The following STRN variants were observed in gnomAD, a reference collection of about 807,000 sequenced individuals.
The protein encoded by STRN is striatin.
Under a neutral mutation model 96.3 loss-of-function variants are expected in STRN, and 53 were observed. The observed-to-expected ratio is 0.55, with a 90% CI of 0.44 to 0.69. STRN has a LOEUF of 0.69. Among genes scored for constraint, STRN ranks in the 30% least tolerant of loss-of-function variants. The pLI is 0.00. For synonymous variants in STRN, 428 were observed against 355.9 expected (o/e 1.20, Z -2.28); for missense variants, 987 against 963.9 (o/e 1.02, Z -0.32).
At chr2:36,853,908 T>C (rs1009395234) in intron 15 of STRN, among the ~76,000 whole-genome samples, 1 of 152,172 alleles carries the variant, frequency 6.6e-6, no homozygotes, top group African/African-American at 2.4e-5. Flanking sequence ...CAACTCAAAA[T>C]AATGATCATT....
At chr2:36,889,628 G>A (rs1251120854) in intron 7 of STRN, among the ~76,000 whole-genome samples, 1 of 119,122 alleles carries the variant, frequency 8.4e-6, no homozygotes, top group Non-Finnish European at 1.7e-5. Flanking sequence ...TGGGGGGGGT[G>A]GGGGGGAGTA....
At position 36,893,968 on chromosome 2, in the gene STRN, C is replaced by T; in HGVS notation, c.861G>A (p.Glu287=). Residue 287 remains glutamate (E), a synonymous_variant, in exon 7 of 18, where the codon GAG becomes GAA. Transcript: ENST00000263918. ...CCTCTGATGTAACCAAGAAGTCAAA[C>T]TCCTTTAGAGCTTCTTTTGTATCTC... ...EDRDTKEALK[E]FDFLVTSEEG... is the part of the protein sequence containing the mutation. 6.2e-7 allele frequency: 1 copy of T among 1,613,550 alleles called. No individual in the cohort carries two copies. The highest frequency in any genetic ancestry group is 8.5e-7 in the Non-Finnish European group (1 of 1,179,818).
intron 1 of STRN, among the ~76,000 whole-genome samples, chr2:36,957,735 T>C (rs1664924193): frequency 7.1e-6 from 1 of 140,624 alleles, no homozygotes; most frequent in African/African-American, 2.6e-5. Context: ...TCATAGTTCT[T>C]CTTTTTGTCT....
At chr2:36,869,787 C>T in intron 10 of STRN, 58 bp from the exon 11 acceptor site, 1 of 1,345,334 alleles carries the variant, frequency 7.4e-7, no homozygotes, top group Non-Finnish European at 9.8e-7. Flanking sequence ...GGGGAAAAAA[C>T]TTGCATTTCA....
chr2:36,905,170 T>C (rs1025506721), intron 4 of STRN, among the ~76,000 whole-genome samples: 4 of 152,130 alleles, frequency 2.6e-5, no homozygotes, highest in African/African-American at 9.7e-5. Context: ...AGTTTCACCA[T>C]GTTGGTGAGG....
intron 1 of STRN, among the ~76,000 whole-genome samples, chr2:36,950,213 GTTTT>G (rs745506504): frequency 9.2e-6 from 1 of 109,030 alleles, no homozygotes; most frequent in Non-Finnish European, 1.8e-5. Context: ...GTTTGGTTTT[GTTTT>G]TTTTTTTTTT....
intron 10 of STRN, among the ~76,000 whole-genome samples, chr2:36,871,637 T>C (rs1316603769): frequency 1.3e-5 from 2 of 152,226 alleles, no homozygotes; most frequent in South Asian, 2.1e-4. Context: ...TAACAACAGC[T>C]GTTATTTTGG....
chr2:36,961,770 C>T (rs1665035057), intron 1 of STRN, among the ~76,000 whole-genome samples: 1 of 152,144 alleles, frequency 6.6e-6, no homozygotes, highest in Admixed American at 6.5e-5. Context: ...GGCCAAAGTC[C>T]TTACAATGGG....
Position 36,840,889 on chromosome 2 carries a change from T to TA in STRN, c.*8566dup, listed in dbSNP as rs1667935971. On this transcript the variant is annotated 3_prime_UTR_variant, in exon 18 of 18. Coordinates refer to ENST00000263918, the MANE Select transcript of STRN (RefSeq NM_003162.4). ...CCAGAAGATTTTGAAATGCAGGAGA[T>TA]AAACATCACATATTCCTTATTAATC... 1 of 152,204 alleles carries TA rather than the reference T, an allele frequency of 6.6e-6. No individual in the cohort carries two copies. The highest frequency in any genetic ancestry group is 2.1e-4 in the South Asian group (1 of 4,830). 9.4% of individuals were successfully genotyped at this position (152,204 alleles called of 1,614,324 possible).
At chr2:36,940,678 A>AAATAAT (rs1670822378) in intron 1 of STRN, among the ~76,000 whole-genome samples, 1 of 151,728 alleles carries the variant, frequency 6.6e-6, no homozygotes, top group African/African-American at 2.4e-5. Context: ...ATAAAAATAA[A>AAATAAT]AATAAAAATT....
intron 3 of STRN, among the ~76,000 whole-genome samples, chr2:36,909,526 G>A (rs1280001574): frequency 6.6e-6 from 1 of 151,998 alleles, no homozygotes; most frequent in East Asian, 1.9e-4. Flanking sequence ...CTGAGAGAAG[G>A]GGAAAGCAAA....
At chr2:36,862,522 T>G (rs906348084) in intron 12 of STRN, among the ~76,000 whole-genome samples, 2 of 152,202 alleles carry the variant, frequency 1.3e-5, no homozygotes, top group Non-Finnish European at 2.9e-5. Context: ...CATTTTTTCC[T>G]GTCTGTTGGC....
chr2:36,860,682 T>C (rs1668456947), intron 13 of STRN, among the ~76,000 whole-genome samples: 1 of 152,208 alleles, frequency 6.6e-6, no homozygotes, highest in South Asian at 2.1e-4. Context: ...CTGAGGCCTT[T>C]TACATATTTT....
At position 36,839,526 on chromosome 2, in the gene STRN, GGAT is replaced by G. The variant is rs1360315713; in HGVS notation, c.*9927_*9929del. 4.6e-5 allele frequency among the ~76,000 whole-genome samples: 7 copies of G among 152,234 alleles called. No homozygotes were observed. The highest frequency in any genetic ancestry group is 1.7e-4 in the African/African-American group (7 of 41,538). On this transcript the variant is annotated 3_prime_UTR_variant, in exon 18 of 18. Coordinates refer to ENST00000263918, the MANE Select transcript of STRN (RefSeq NM_003162.4). ...TCAGAGAGTGAACAAGTCATTTGCTGGATGCTTATTTTATTAGGTGTTTTACAT... is the reference window on the plus strand; with the variant it reads ...TCAGAGAGTGAACAAGTCATTTGCTGGCTTATTTTATTAGGTGTTTTACAT...
chr2:36,915,960 C>A, intron 3 of STRN, 118 bp downstream of exon 3: 1 of 855,460 alleles, frequency 1.2e-6, no homozygotes, highest in South Asian at 1.6e-5. Context: ...ACAAGCAGGT[C>A]AGAAAAAATA....
chr2:36,884,573 G>A (rs1005111479), intron 8 of STRN, among the ~76,000 whole-genome samples: 7 of 152,106 alleles, frequency 4.6e-5, no homozygotes, highest in Non-Finnish European at 1.0e-4. Flanking sequence ...TTTTATATAG[G>A]ATAGAGGCTG....
intron 2 of STRN, among the ~76,000 whole-genome samples, chr2:36,918,448 T>A (rs908007612): frequency 5.3e-5 from 8 of 151,794 alleles, no homozygotes; most frequent in Admixed American, 1.3e-4. Context: ...TGTTATGGAG[T>A]TTATATTTTT....
In STRN at chr2:36,849,707, T is replaced by C. The variant is rs1668172539; in HGVS notation, c.2173+7A>G. 6.2e-7 allele frequency: 1 copy of C among 1,613,888 alleles called. No homozygotes were observed. The highest frequency in any genetic ancestry group is 8.5e-7 in the Non-Finnish European group (1 of 1,179,962). ...ACAAATAAATAATCCATAGTTGAGG[T>C]ACTTACTGCCAGACATCAAGTAAAG... On this transcript the variant is annotated splice_region_variant and intron_variant, in intron 17 of 17. Transcript: ENST00000263918.
Position 36,923,724 on chromosome 2 carries a change from A to C in STRN, c.338+1381T>G, listed in dbSNP as rs554182542. On this transcript the variant is annotated intron_variant, in intron 2 of 17. Coordinates refer to ENST00000263918, the MANE Select transcript of STRN (RefSeq NM_003162.4). ...TGCATCTAAATGCTATTTTATTGCAAATATCCCATTCACCAACTTCAAAAA... is the reference window on the plus strand; with the variant it reads ...TGCATCTAAATGCTATTTTATTGCACATATCCCATTCACCAACTTCAAAAA... Among the ~76,000 whole-genome samples the C allele has an allele frequency of 4.6e-5, 7 of 152,264 alleles. No homozygotes were observed. In the South Asian group the frequency reaches 1.2e-3, roughly 27 times the overall value.
Sources: allele counts gnomAD v4.1 joint callset (sites outside exome capture counted in the v4.1 genomes callset), GRCh38; gene constraint gnomAD v4.1.1; transcripts MANE v1.5; gene names NCBI Gene and HGNC (gene_info 2026-07-23, HGNC 2026-07-21).